ACACB: variants seen among roughly 807,000 people sequenced by gnomAD.
ACACB encodes acetyl-CoA carboxylase beta.
A neutral mutation model predicts 278.8 loss-of-function variants in ACACB; 209 were observed. That is an observed-to-expected ratio of 0.75 (90% confidence interval 0.67 to 0.84). ACACB has a LOEUF of 0.84. Ranked by LOEUF, ACACB falls within the 40% of genes least tolerant of loss-of-function variation. The probability of loss-of-function intolerance (pLI) is 0.00; values close to 1 mark genes in which losing one functional copy is unlikely to be tolerated. For synonymous variants in ACACB, 1,174 were observed against 1,285.6 expected, an observed-to-expected ratio of 0.91 and a Z score of 1.86; for missense variants, 2,850 against 3,269.0, an observed-to-expected ratio of 0.87 and a Z score of 3.13.
At position 109,237,186 on chromosome 12, in the gene ACACB, C is replaced by T. The variant is rs756806908; in HGVS notation, c.4468C>T (p.Arg1490Cys). The change falls in exon 34 of 53, where the codon CGT (arginine) becomes TGT (cysteine). Residue 1490 changes from arginine to cysteine, a missense_variant. Coordinates refer to ENST00000338432, the MANE Select transcript of ACACB (RefSeq NM_001093.4). ...RDEFAEDRIY[R>C]HLEPALAFQL... ...ACAGTTTGCAGAAGATCGCATTTAC[C>T]GTCACTTGGAACCTGCCCTGGCCTT... 37 of 1,613,990 alleles carry T rather than the reference C, an allele frequency of 2.3e-5. No homozygotes were observed. The highest frequency in any genetic ancestry group is 3.3e-5 in the Admixed American group (2 of 59,984).
rs779738351 is a variant in ACACB at position 109,233,816 on chromosome 12, G to A, written c.4208G>A (p.Arg1403His). ...PKDTPLFSEA[R>H]TSLYSEDDCK... is the part of the protein sequence containing the mutation. ...GACACCCCCCTCTTCAGCGAGGCCC[G>A]CACCTCCCTATACTCCGAGGATGAC... The change falls in exon 30 of 53, where the codon CGC becomes CAC. Residue 1403 changes from arginine (R) to histidine (H), a missense_variant. Coordinates refer to ENST00000338432, the MANE Select transcript of ACACB (RefSeq NM_001093.4). 5.0e-6 allele frequency: 8 copies of A among 1,614,038 alleles called. No individual in the cohort carries two copies. The highest frequency in any genetic ancestry group is 6.8e-6 in the Non-Finnish European group (8 of 1,180,040).
At chr12:109,111,735 T>C (rs920325740), upstream of ACACB, among the ~76,000 whole-genome samples, 5 of 152,012 alleles carry the variant, frequency 3.3e-5, no homozygotes, top group African/African-American at 1.2e-4. Context: ...TTTGTACTTT[T>C]AGTAGAGAAA....
At chr12:109,167,044 C>T (rs368898358) in intron 3 of ACACB, 51 bp downstream of exon 3, 1 of 1,609,566 alleles carries the variant, frequency 6.2e-7, no homozygotes, top group African/African-American at 1.3e-5. Flanking sequence ...GGTGCAGGGG[C>T]CCCTCCTCTC....
At chr12:109,143,569 G>A (rs2043171946) in intron 2 of ACACB, among the ~76,000 whole-genome samples, 1 of 151,800 alleles carries the variant, frequency 6.6e-6, no homozygotes, top group South Asian at 2.1e-4. Context: ...TTTGTCCCCG[G>A]TATGTGTGCA....
rs201604106 is a variant in ACACB at position 109,238,572 on chromosome 12, TA to T, written c.4662+1193del. ...TGTATATATAATTATTATATATATA[TA>T]TTTTTTTGGAGATGGAGTTTTGCTC... On this transcript the variant is annotated intron_variant, in intron 34 of 52. Coordinates refer to ENST00000338432, the MANE Select transcript of ACACB (RefSeq NM_001093.4). Among the ~76,000 whole-genome samples, 25 of 144,428 alleles carry T rather than the reference TA, an allele frequency of 1.7e-4. No homozygotes were observed. The East Asian group carries it at 3.5e-3, about 20-fold the overall frequency. The allele number at this position is 144,428 out of a possible 152,430, so 94.8% of individuals were successfully genotyped here. A position where few individuals can be genotyped will look rare whatever the true frequency, so the allele number is the denominator to read the frequency against.
intron 21 of ACACB, among the ~76,000 whole-genome samples, chr12:109,211,601 A>G (rs1375711662): frequency 1.3e-5 from 2 of 152,150 alleles, no homozygotes; most frequent in African/African-American, 2.4e-5. Flanking sequence ...ACGTTCATGA[A>G]GAAGGAAGTA....
Position 109,171,205 on chromosome 12 carries a change from C to CT in ACACB, c.926-593dup, listed in dbSNP as rs550406290. On this transcript the variant is annotated intron_variant, in intron 4 of 52. Coordinates refer to ENST00000338432, the MANE Select transcript of ACACB (RefSeq NM_001093.4). ...ATATTAAGATAAACTTTAAATAGGA[C>CT]TTTTTTTAAAAACCCACCTCTAATC... Among the ~76,000 whole-genome samples the CT allele has an allele frequency of 4.4e-4, 67 of 151,916 alleles. No homozygotes were observed. The South Asian group carries it at 0.014, about 31-fold the overall frequency.
chr12:109,210,462 T>TACATGTGTATATATGTATATAC (rs1565928760), intron 21 of ACACB, among the ~76,000 whole-genome samples: 13 of 119,366 alleles, frequency 1.1e-4, no homozygotes, highest in African/African-American at 2.7e-4. Context: ...TATGTATATA[T>TACATGTGTATATATGTATATAC]ACGCACATAC....
At chr12:109,172,377 A>C (rs369047788) in intron 6 of ACACB, 21 bp downstream of exon 6, 5 of 1,609,076 alleles carry the variant, frequency 3.1e-6, no homozygotes, top group Non-Finnish European at 4.3e-6. Flanking sequence ...TCCCCATCAG[A>C]TACATGGGAA....
At chr12:109,152,840 C>T (rs191238089) in intron 2 of ACACB, among the ~76,000 whole-genome samples, 27 of 152,064 alleles carry the variant, frequency 1.8e-4, no homozygotes, top group African/African-American at 6.0e-4. Flanking sequence ...GATGGGGTTT[C>T]ACTATGTTGG....
At chr12:109,148,311 T>C (rs1205060908) in intron 2 of ACACB, among the ~76,000 whole-genome samples, 1 of 152,216 alleles carries the variant, frequency 6.6e-6, no homozygotes, top group African/African-American at 2.4e-5. Context: ...TCCCATTTTG[T>C]TGGACAAACA....
At chr12:109,186,689 C>T (rs1488084352) in intron 12 of ACACB, among the ~76,000 whole-genome samples, 1 of 152,060 alleles carries the variant, frequency 6.6e-6, no homozygotes, top group East Asian at 1.9e-4. Flanking sequence ...GGGTACACCT[C>T]CACCCCTTTT....
chr12:109,187,961 T>C (rs762310240), intron 12 of ACACB, 38 bp from the exon 13 acceptor site: 4 of 1,576,678 alleles, frequency 2.5e-6, no homozygotes. Context: ...TCTGGAGTAA[T>C]GATTTCTTCC....
chr12:109,173,179 G>C (rs1406378910), intron 6 of ACACB, among the ~76,000 whole-genome samples: 4 of 152,194 alleles, frequency 2.6e-5, no homozygotes. Context: ...GGCGAGAGGA[G>C]GGAGAAAAGC....
intron 19 of ACACB, among the ~76,000 whole-genome samples, chr12:109,203,191 T>C (rs2045388427): frequency 1.3e-5 from 2 of 152,214 alleles, no homozygotes; most frequent in African/African-American, 4.8e-5. Flanking sequence ...TGGCAGAATT[T>C]CCCTGTTTTT....
chr12:109,225,992 G>A (rs1316941502), intron 27 of ACACB, among the ~76,000 whole-genome samples: 1 of 152,154 alleles, frequency 6.6e-6, no homozygotes, highest in Non-Finnish European at 1.5e-5. Flanking sequence ...TATAGGCCAG[G>A]TGAGGTGGCT....
In ACACB at chr12:109,241,261, A is replaced by T; in HGVS notation, c.5002A>T (p.Thr1668Ser). The change falls in exon 36 of 53, where the codon ACT (threonine) becomes TCT (serine). Residue 1668 changes from threonine (T) to serine (S), a missense_variant. Physicochemically the swap from Thr to Ser is moderately conservative, Grantham distance 58. Transcript: ENST00000338432. Reference sequence around the variant, plus strand: ...GGACATCAGCCTCTACAAAGAAGTGACTGACTCCAGATCTGGAAATGTAAG... The same window carrying T: ...GGACATCAGCCTCTACAAAGAAGTGTCTGACTCCAGATCTGGAAATGTAAG... ...YLDISLYKEVTDSRSGNIMFH... is the reference protein window; with the variant it reads ...YLDISLYKEVSDSRSGNIMFH... The T allele has an allele frequency of 6.2e-7, 1 of 1,614,168 alleles. No homozygotes were observed. Among genetic ancestry groups the T allele is most frequent in the Non-Finnish European group, 8.5e-7 (1 of 1,180,018 alleles).
Position 109,245,753 on chromosome 12 carries a change from T to A in ACACB, c.5301+5T>A. The A allele has an allele frequency of 6.2e-7, 1 of 1,613,610 alleles. No individual in the cohort carries two copies. Among genetic ancestry groups the A allele is most frequent in the East Asian group, 2.2e-5 (1 of 44,876 alleles). On this transcript the variant is annotated splice_donor_5th_base_variant and intron_variant, in intron 38 of 52. Transcript: ENST00000338432. ...CGACTTCCTGGTGGAAATGAGGTAA[T>A]AGCTCAGCGGAGCCTAACCCCTGGC...
chr12:109,237,258 C>T lies in ACACB; in HGVS notation c.4540C>T (p.Pro1514Ser), dbSNP rs1394828261. Residue 1514 changes from proline to serine, a missense_variant, in exon 34 of 53, where the codon CCC (proline) becomes TCC (serine). This residue lies in a region of ACACB where 2,265 missense variants were observed against 2,561.3 expected (regional missense o/e 0.88). Transcript: ENST00000338432. Reference sequence around the variant, plus strand: ...GCGTAACTTCGATCTGACCGCCGTGCCCTGTGCCAACCACAAGATGCACCT... The same window carrying T: ...GCGTAACTTCGATCTGACCGCCGTGTCCTGTGCCAACCACAAGATGCACCT... ...RMRNFDLTAVPCANHKMHLYL... is the reference protein window; with the variant it reads ...RMRNFDLTAVSCANHKMHLYL... 2 of 1,614,202 alleles carry T rather than the reference C, an allele frequency of 1.2e-6. No individual in the cohort carries two copies. Among genetic ancestry groups the T allele is most frequent in the Admixed American group, 3.3e-5 (2 of 60,016 alleles).
Sources: allele counts gnomAD v4.1 joint callset (sites outside exome capture counted in the v4.1 genomes callset), GRCh38; gene constraint gnomAD v4.1.1; regional missense constraint gnomAD v4.1.1; transcripts MANE v1.5; gene names NCBI Gene and HGNC (gene_info 2026-07-23, HGNC 2026-07-21).